The following DOP1A variants were observed in gnomAD, a reference collection of about 807,000 sequenced individuals.
DOP1A encodes protein DOP1A.
Under a neutral mutation model 267.6 loss-of-function variants are expected in DOP1A, and 90 were observed. The observed-to-expected ratio is 0.34, with a 90% CI of 0.28 to 0.40. DOP1A has a LOEUF of 0.40. DOP1A is among the 10% of genes least tolerant of loss of function. The pLI is 1.00. For missense variants in DOP1A, 2,437 were observed against 2,900.4 expected (o/e 0.84, Z 3.67); for synonymous variants, 932 against 999.1 (o/e 0.93, Z 1.27).
At chr6:83,161,849 G>A (rs561161198) in intron 37 of DOP1A, among the ~76,000 whole-genome samples, 1 of 152,110 alleles carries the variant, frequency 6.6e-6, no homozygotes, top group South Asian at 2.1e-4. Flanking sequence ...TATATTCTCA[G>A]ATGTGCACAA....
At chr6:83,090,549 G>A (rs375197615) in intron 1 of DOP1A, among the ~76,000 whole-genome samples, 19 of 152,312 alleles carry the variant, frequency 1.2e-4, no homozygotes, top group East Asian at 1.2e-3. Flanking sequence ...GGTGTTTAAA[G>A]TGTGTTATTC....
At chr6:83,082,576 A>C (rs1454482827) in intron 1 of DOP1A, among the ~76,000 whole-genome samples, 1 of 152,184 alleles carries the variant, frequency 6.6e-6, no homozygotes, top group East Asian at 1.9e-4. Flanking sequence ...GAGTAAGTTC[A>C]AGGAATCTGT....
At chr6:83,156,764 A>C (rs115612884) in intron 34 of DOP1A, among the ~76,000 whole-genome samples, 1,658 of 152,288 alleles carry the variant, frequency 0.011, 39 homozygotes, top group African/African-American at 0.037. Flanking sequence ...AAGACAAATG[A>C]TTCCTTGTTT....
intron 20 of DOP1A, among the ~76,000 whole-genome samples, chr6:83,136,868 C>T (rs1562344536): frequency 1.3e-5 from 2 of 152,044 alleles, no homozygotes; most frequent in African/African-American, 4.8e-5. Context: ...AAGCCTTCCA[C>T]CTTTTCTAAA....
Position 83,122,896 on chromosome 6 carries a change from G to A in DOP1A, c.1254G>A (p.Leu418=). ...GAGAAAATAAGAAAACAGCAGAGCTGATTAAAACTGCTAACCTTCTCTTTA... is the reference window on the plus strand; with the variant it reads ...GAGAAAATAAGAAAACAGCAGAGCTAATTAAAACTGCTAACCTTCTCTTTA... ...KLRENKKTAE[L]IKTANLLFNS... is the part of the protein sequence containing the mutation. Residue 418 remains leucine, a synonymous_variant, in exon 12 of 39, where the codon CTG becomes CTA. Coordinates refer to ENST00000349129, the MANE Select transcript of DOP1A (RefSeq NM_015018.4). 2 of 1,550,434 alleles carry A rather than the reference G, an allele frequency of 1.3e-6. No individual in the cohort carries two copies. The highest frequency in any genetic ancestry group is 1.7e-6 in the Non-Finnish European group (2 of 1,150,344).
At chr6:83,129,623 T>A in intron 16 of DOP1A, 115 bp downstream of exon 16, 5 of 1,038,696 alleles carry the variant, frequency 4.8e-6, no homozygotes, top group Non-Finnish European at 6.5e-6. Context: ...TTTAATGTTT[T>A]AATTTGCAAG....
chr6:83,132,390 C>A, intron 18 of DOP1A, 62 bp downstream of exon 18: 2 of 1,429,314 alleles, frequency 1.4e-6, no homozygotes, highest in South Asian at 1.7e-5. Flanking sequence ...CACACAAATA[C>A]TGAAAAGTAA....
chr6:83,145,029 T>C (rs993889203), intron 24 of DOP1A, among the ~76,000 whole-genome samples: 1 of 143,438 alleles, frequency 7.0e-6, no homozygotes, highest in Non-Finnish European at 1.5e-5. Context: ...CTTAAACCTA[T>C]GAGGTTGAGG....
intron 15 of DOP1A, 98 bp downstream of exon 15, chr6:83,125,831 TAGTG>T (rs554928587): frequency 1.6e-3 from 1,687 of 1,065,162 alleles, no homozygotes; most frequent in Non-Finnish European, 2.1e-3. Context: ...ATTTAAATAA[TAGTG>T]AGTCTTTCCT....
At chr6:83,118,786 A>G in intron 7 of DOP1A, 102 bp from the exon 8 acceptor site, 4 of 847,990 alleles carry the variant, frequency 4.7e-6, no homozygotes, top group Non-Finnish European at 7.2e-6. Flanking sequence ...AGTACTCCAT[A>G]CACCCTAATA....
chr6:83,152,059 T>G, intron 29 of DOP1A, 32 bp downstream of exon 29: 1 of 1,612,114 alleles, frequency 6.2e-7, no homozygotes, highest in South Asian at 1.1e-5. Flanking sequence ...GTTTATTATC[T>G]GTAAGCAGGC....
At position 83,119,133 on chromosome 6, in the gene DOP1A, A is replaced by T. The variant is rs192223559; in HGVS notation, c.880+146A>T. ...GGACAATAAAAATATAAACAGTATT[A>T]GTTGTGTATTGTATGAAGAAATTTC... On this transcript the variant is annotated intron_variant, in intron 8 of 38. Coordinates refer to ENST00000349129, the MANE Select transcript of DOP1A (RefSeq NM_015018.4). The T allele has an allele frequency of 3.6e-4, 231 of 638,826 alleles. No individual in the cohort carries two copies. In the African/African-American group the frequency reaches 3.8e-3, roughly 10 times the overall value. 39.6% of individuals were successfully genotyped at this position (638,826 alleles called of 1,614,324 possible). A position where few individuals can be genotyped will look rare whatever the true frequency, so the allele number is the denominator to read the frequency against.
At position 83,137,751 on chromosome 6, in the gene DOP1A, T is replaced by C. The variant is rs756641452; in HGVS notation, c.3709T>C (p.Ser1237Pro). Residue 1237 changes from serine (S) to proline (P), a missense_variant, in exon 21 of 39, where the codon TCC (serine) becomes CCC (proline). Physicochemically the swap from Ser to Pro is moderately conservative, Grantham distance 74. Around this residue, in one of 9 missense-constraint regions of DOP1A, gnomAD observed 878 missense variants for 992.9 expected, o/e 0.88. Coordinates refer to ENST00000349129, the MANE Select transcript of DOP1A (RefSeq NM_015018.4). The stretch of plus-strand genomic sequence containing the variant: ...GGCAAATGGAATCTCCAGGAATAGC[T>C]CCTCACCTTGTATTTCAGGAACCAC... Reference protein sequence around the residue: ...CVANGISRNSSSPCISGTTHT... With the variant: ...CVANGISRNSPSPCISGTTHT... The C allele has an allele frequency of 2.2e-5, 35 of 1,613,798 alleles. 1 individual carries two copies. The South Asian group carries it at 3.7e-4, about 17-fold the overall frequency.
At chr6:83,156,912 T>C (rs1782930074) in intron 34 of DOP1A, among the ~76,000 whole-genome samples, 1 of 152,204 alleles carries the variant, frequency 6.6e-6, no homozygotes, top group Admixed American at 6.5e-5. Context: ...ATCCCATCCA[T>C]AAGTACAAAA....
At position 83,125,654 on chromosome 6, in the gene DOP1A, T is replaced by A; in HGVS notation, c.1640T>A (p.Leu547Gln). ...SKILSKVQPPLLSASTGGVLQ... is the reference protein window; with the variant it reads ...SKILSKVQPPQLSASTGGVLQ... ...ATCCTTAGCAAGGTTCAGCCTCCACTGTTATCTGCTAGCACTGGAGGTGTT... is the reference window on the plus strand; with the variant it reads ...ATCCTTAGCAAGGTTCAGCCTCCACAGTTATCTGCTAGCACTGGAGGTGTT... Residue 547 changes from leucine to glutamine, a missense_variant, in exon 15 of 39, where the codon CTG becomes CAG. By Grantham distance (113) the Leu-to-Gln change is moderately radical. Transcript: ENST00000349129. 6.2e-7 allele frequency: 1 copy of A among 1,613,840 alleles called. No individual in the cohort carries two copies. The highest frequency in any genetic ancestry group is 8.5e-7 in the Non-Finnish European group (1 of 1,179,798).
chr6:83,161,319 A>G (rs1459282805), intron 37 of DOP1A: 1 of 152,178 alleles, frequency 6.6e-6, no homozygotes, highest in Non-Finnish European at 1.5e-5. Context: ...ATAAAAATCT[A>G]TAAAGTAGAA....
At chr6:83,088,955 A>G (rs556939829) in intron 1 of DOP1A, among the ~76,000 whole-genome samples, 26 of 152,222 alleles carry the variant, frequency 1.7e-4, no homozygotes, top group Non-Finnish European at 2.9e-4. Context: ...ATCTACTTAT[A>G]TAGCTTTTTT....
At chr6:83,158,338 TCA>T (rs1309657038) in intron 35 of DOP1A, among the ~76,000 whole-genome samples, 1 of 152,120 alleles carries the variant, frequency 6.6e-6, no homozygotes, top group African/African-American at 2.4e-5. Context: ...TGTTCCATAA[TCA>T]CTAAAAACAA....
chr6:83,141,811 T>C (rs1562355214), intron 23 of DOP1A, 110 bp from the exon 24 acceptor site: 5 of 1,088,190 alleles, frequency 4.6e-6, no homozygotes, highest in Non-Finnish European at 6.3e-6. Flanking sequence ...ATTTAGATAG[T>C]AAAACCTATA....
Sources: gnomAD v4.1 joint callset for allele counts (sites outside exome capture counted in the v4.1 genomes callset) on GRCh38, gnomAD v4.1.1 for gene constraint, gnomAD v4.1.1 regional missense constraint, MANE v1.5 for transcripts, NCBI Gene and HGNC (gene_info 2026-07-23, HGNC 2026-07-21) for gene names.